The following SPAG16 variants were observed in gnomAD, a reference collection of about 807,000 sequenced individuals.
The protein encoded by SPAG16 is sperm-associated antigen 16 protein.
SPAG16 carries 86 observed loss-of-function variants against 80.4 expected under a neutral mutation model. The ratio of observed to expected loss-of-function variants is 1.07; its 90% CI spans 0.90 to 1.28. The LOEUF is 1.28. Among genes scored for constraint, SPAG16 ranks in the 50% most tolerant of loss-of-function variants. The pLI is 0.00. For synonymous variants in SPAG16, 294 were observed against 265.9 expected (o/e 1.11, Z -1.03); for missense variants, 870 against 765.3 (o/e 1.14, Z -1.61).
At chr2:214,209,585 G>T (rs959010795) in intron 15 of SPAG16, among the ~76,000 whole-genome samples, 10 of 152,176 alleles carry the variant, frequency 6.6e-5, no homozygotes, top group African/African-American at 2.2e-4. Context: ...ACCATGGGAA[G>T]TAATACGTCT....
intron 15 of SPAG16, among the ~76,000 whole-genome samples, chr2:214,267,861 G>A (rs1377055817): frequency 6.6e-6 from 1 of 151,746 alleles, no homozygotes; most frequent in Admixed American, 6.6e-5. Flanking sequence ...CTGCACAGTA[G>A]GGTAAACAAC....
At chr2:213,622,975 C>T (rs750297985) in intron 10 of SPAG16, among the ~76,000 whole-genome samples, 10 of 152,220 alleles carry the variant, frequency 6.6e-5, no homozygotes, top group Admixed American at 2.6e-4. Context: ...TGAAGAGTAA[C>T]GAAGCCTTCC....
chr2:213,520,138 G>A (rs2075603787), intron 10 of SPAG16, among the ~76,000 whole-genome samples: 1 of 151,972 alleles, frequency 6.6e-6, no homozygotes, highest in Non-Finnish European at 1.5e-5. Flanking sequence ...GGCAGAGATT[G>A]GAGTTATGCT....
At chr2:213,427,284 G>A (rs1409372196) in intron 9 of SPAG16, among the ~76,000 whole-genome samples, 1 of 152,044 alleles carries the variant, frequency 6.6e-6, no homozygotes, top group African/African-American at 2.4e-5. Context: ...CATACTATTT[G>A]TTTTAGATAA....
At chr2:214,243,933 C>T (rs1417841575) in intron 15 of SPAG16, among the ~76,000 whole-genome samples, 1 of 152,042 alleles carries the variant, frequency 6.6e-6, no homozygotes, top group Non-Finnish European at 1.5e-5. Context: ...ACCCCCAAGA[C>T]ACATATACGA....
At chr2:214,167,999 T>C (rs1449914845) in intron 15 of SPAG16, among the ~76,000 whole-genome samples, 1 of 149,882 alleles carries the variant, frequency 6.7e-6, no homozygotes, top group Non-Finnish European at 1.5e-5. Context: ...TTTCTCTTTT[T>C]TTTTTTTTTG....
intron 15 of SPAG16, among the ~76,000 whole-genome samples, chr2:214,168,954 A>G (rs1311423773): frequency 6.6e-6 from 1 of 152,146 alleles, no homozygotes; most frequent in Non-Finnish European, 1.5e-5. Flanking sequence ...GATTTTGTGT[A>G]TGGAATACTA....
Position 213,930,136 on chromosome 2 carries a change from A to G in SPAG16, c.1391A>G (p.Asp464Gly), listed in dbSNP as rs757978410. The G allele has an allele frequency of 6.2e-7, 1 of 1,613,404 alleles. No homozygotes were observed. Among genetic ancestry groups the G allele is most frequent in the East Asian group, 2.2e-5 (1 of 44,860 alleles). ...SSLDKTSKIW[D>G]VNSERCRCTL... is the part of the protein sequence containing the mutation. ...CTGGATAAAACTAGCAAAATTTGGG[A>G]TGTTAATAGGTAAGAAGTACTTTAA... Residue 464 changes from aspartate (D) to glycine (G), a missense_variant, in exon 12 of 16, where the codon GAT (aspartate) becomes GGT (glycine). Physicochemically the swap from Asp to Gly is moderately conservative, Grantham distance 94. Transcript: ENST00000331683.
chr2:213,980,708 G>A lies in SPAG16; in HGVS notation c.1401-33243G>A, dbSNP rs1252197467. Among the ~76,000 whole-genome samples, 130 of 102,714 alleles carry A rather than the reference G, an allele frequency of 1.3e-3. 1 individual carries two copies. Among genetic ancestry groups the A allele is most frequent in the South Asian group, 0.011 (29 of 2,698 alleles). 67.4% of individuals were successfully genotyped at this position (102,714 alleles called of 152,430 possible). On this transcript the variant is annotated intron_variant, in intron 12 of 15. Coordinates refer to ENST00000331683, the MANE Select transcript of SPAG16 (RefSeq NM_024532.5). ...ATATATAGAATATATGTGTGTGTGTGTGTGTATATATATATATAGAGAGAG... is the reference window on the plus strand; with the variant it reads ...ATATATAGAATATATGTGTGTGTGTATGTGTATATATATATATAGAGAGAG...
intron 10 of SPAG16, among the ~76,000 whole-genome samples, chr2:213,766,931 G>T (rs2068966041): frequency 6.6e-6 from 1 of 152,142 alleles, no homozygotes; most frequent in South Asian, 2.1e-4. Context: ...TCTCCTGCGA[G>T]GCCTGCCGGG....
chr2:213,821,428 G>T (rs1001484478), intron 10 of SPAG16, among the ~76,000 whole-genome samples: 1 of 151,996 alleles, frequency 6.6e-6, no homozygotes, highest in Admixed American at 6.6e-5. Context: ...ATTTTTAATT[G>T]TGTGTATAGT....
At chr2:214,158,357 T>G (rs1219032516) in intron 15 of SPAG16, among the ~76,000 whole-genome samples, 1 of 151,908 alleles carries the variant, frequency 6.6e-6, no homozygotes, top group Non-Finnish European at 1.5e-5. Flanking sequence ...GAAATAAAAT[T>G]TGATATAAAA....
intron 10 of SPAG16, among the ~76,000 whole-genome samples, chr2:213,727,386 A>G (rs2066817773): frequency 6.6e-6 from 1 of 152,190 alleles, no homozygotes; most frequent in African/African-American, 2.4e-5. Context: ...TATATAAATC[A>G]ATGGAGTGTG....
intron 12 of SPAG16, among the ~76,000 whole-genome samples, chr2:213,978,727 G>A (rs975535156): frequency 2.0e-5 from 3 of 152,074 alleles, no homozygotes; most frequent in African/African-American, 7.2e-5. Context: ...TAGGCACATT[G>A]TTTTCTGGTG....
At chr2:213,293,626 C>T (rs185539211) in intron 1 of SPAG16, among the ~76,000 whole-genome samples, 1 of 152,140 alleles carries the variant, frequency 6.6e-6, no homozygotes, top group Non-Finnish European at 1.5e-5. Flanking sequence ...GGAAATGGAT[C>T]CTGTTGCCTC....
chr2:214,192,696 G>A (rs1344145187), intron 15 of SPAG16, among the ~76,000 whole-genome samples: 1 of 151,898 alleles, frequency 6.6e-6, no homozygotes, highest in East Asian at 1.9e-4. Context: ...GGATGGTTTT[G>A]TTTTTCTTAA....
intron 13 of SPAG16, among the ~76,000 whole-genome samples, chr2:214,055,487 C>T (rs556644516): frequency 1.3e-5 from 2 of 152,068 alleles, no homozygotes; most frequent in African/African-American, 2.4e-5. Flanking sequence ...AAAAATGAAA[C>T]GCATGCCTAT....
intron 12 of SPAG16, among the ~76,000 whole-genome samples, chr2:213,977,044 G>A (rs1001161072): frequency 2.0e-5 from 3 of 151,928 alleles, no homozygotes; most frequent in African/African-American, 7.3e-5. Flanking sequence ...GAATACCATA[G>A]CATATACTTA....
chr2:214,383,570 C>CAA (rs374925663), intron 15 of SPAG16, among the ~76,000 whole-genome samples: 137 of 59,470 alleles, frequency 2.3e-3, no homozygotes, highest in African/African-American at 5.9e-3. Flanking sequence ...GACTTCATCT[C>CAA]AAAAAAAAAG....
Sources: gnomAD v4.1 joint callset for allele counts (sites outside exome capture counted in the v4.1 genomes callset) on GRCh38, gnomAD v4.1.1 for gene constraint, MANE v1.5 for transcripts, NCBI Gene and HGNC (gene_info 2026-07-23, HGNC 2026-07-21) for gene names.